PRH1: variants seen among roughly 807,000 people sequenced by gnomAD.
PRH1 encodes salivary acidic proline-rich phosphoprotein 1/2.
In PRH1, 7 loss-of-function variants were observed where a neutral mutation model predicts 7.9. That is an observed-to-expected ratio of 0.89 (90% confidence interval 0.50 to 1.67). PRH1 has a LOEUF of 1.67. Among genes scored for constraint, PRH1 ranks in the 40% most tolerant of loss-of-function variants. The pLI, the probability that PRH1 is intolerant of heterozygous loss-of-function variation, is 0.00. For missense variants in PRH1, 109 were observed against 223.6 expected (o/e 0.49, Z 3.27); for synonymous variants, 45 against 80.8 (o/e 0.56, Z 2.38).
At chr12:10,964,544 A>G in intron 2 of PRH1, 1 of 305,038 alleles carries the variant, frequency 3.3e-6, no homozygotes, top group Non-Finnish European at 6.6e-6. Flanking sequence ...AGGGTATATA[A>G]TTGCAGTAGT....
chr12:11,141,837 G>A (rs988094203), intron 1 of PRH1, among the ~76,000 whole-genome samples: 26 of 152,184 alleles, frequency 1.7e-4, no homozygotes, highest in African/African-American at 5.8e-4. Context: ...ACCCAGGCTG[G>A]AGTGCAGTGG....
intron 1 of PRH1, chr12:11,133,751 T>A (rs777514932): frequency 6.2e-7 from 1 of 1,614,088 alleles, no homozygotes; most frequent in African/African-American, 1.3e-5. Context: ...CAATTTGATC[T>A]TCCAAGTCAC....
At chr12:11,099,530 C>T (rs770080097) in intron 1 of PRH1, among the ~76,000 whole-genome samples, 14 of 152,088 alleles carry the variant, frequency 9.2e-5, no homozygotes, top group Non-Finnish European at 1.3e-4. Context: ...AACCCCATCT[C>T]TACTAAAAAT....
chr12:10,895,284 G>A (rs1316926996), intron 2 of PRH1: 1 of 152,192 alleles, frequency 6.6e-6, no homozygotes, highest in Non-Finnish European at 1.5e-5. Flanking sequence ...AGGATTAAGA[G>A]AAGAATGGAA....
intron 1 of PRH1, among the ~76,000 whole-genome samples, chr12:11,012,400 G>A (rs913066764): frequency 2.6e-5 from 4 of 152,032 alleles, no homozygotes; most frequent in African/African-American, 4.8e-5. Flanking sequence ...TGTATAAAAC[G>A]CAGATGATAA....
chr12:11,102,930 C>G (rs1046161178), intron 1 of PRH1, among the ~76,000 whole-genome samples: 1 of 152,190 alleles, frequency 6.6e-6, no homozygotes, highest in African/African-American at 2.4e-5. Context: ...AGCTAAAAGA[C>G]ACACGAAAAA....
Position 10,883,134 on chromosome 12 carries a change from C to T in PRH1, c.65-38G>A, listed in dbSNP as rs200951737. ...TACAGGATGATGGGAAAAGTTACTT[C>T]CTGAATCATTCAAGGCTCATAGTGT... On this transcript the variant is annotated intron_variant, in intron 1 of 3. Transcript: ENST00000543626. 174 of 1,602,642 alleles carry T rather than the reference C, an allele frequency of 1.1e-4. 1 individual carries two copies. The South Asian group carries it at 1.8e-3, about 17-fold the overall frequency.
intron 2 of PRH1, chr12:10,964,788 T>A: frequency 1.7e-6 from 1 of 596,672 alleles, no homozygotes; most frequent in East Asian, 4.1e-5. Flanking sequence ...AGGGACAGAG[T>A]AAAGGGTATT....
chr12:11,133,122 C>CAT, intron 1 of PRH1: 4 of 655,598 alleles, frequency 6.1e-6, no homozygotes, highest in Non-Finnish European at 8.8e-6. Flanking sequence ...GTTTTTCATA[C>CAT]ACACACACAC....
chr12:10,884,978 T>A (rs1360439825), upstream of PRH1, among the ~76,000 whole-genome samples: 4 of 152,174 alleles, frequency 2.6e-5, no homozygotes, highest in Non-Finnish European at 5.9e-5. Flanking sequence ...AAAACTGAAC[T>A]CAGAAACCAC....
chr12:10,944,970 T>C (rs115516275), intron 2 of PRH1, among the ~76,000 whole-genome samples: 3,008 of 152,274 alleles, frequency 0.02, 34 homozygotes, highest in South Asian at 0.031. Context: ...AAAGGTTTTG[T>C]TGAGGATTTT....
chr12:10,951,770 T>C (rs1053807556), intron 2 of PRH1, among the ~76,000 whole-genome samples: 1 of 152,238 alleles, frequency 6.6e-6, no homozygotes, highest in African/African-American at 2.4e-5. Context: ...TTGAAGAATA[T>C]TGACTTCTCT....
intron 2 of PRH1, among the ~76,000 whole-genome samples, chr12:10,955,021 C>T (rs777286622): frequency 1.3e-5 from 2 of 152,150 alleles, no homozygotes; most frequent in African/African-American, 4.8e-5. Context: ...CTAGACAGAA[C>T]ATCAAGGCAG....
Position 11,168,253 on chromosome 12 carries a change from AAAG to A in PRH1, n.39+3166_39+3168del, listed in dbSNP as rs1947656711. On this transcript the variant is annotated intron_variant and non_coding_transcript_variant, in intron 1 of 1. Coordinates refer to the PRH1 transcript ENST00000541175. Reference sequence around the variant, plus strand: ...GAAAGAAAGAAAGAAAGAAAGAAAGAAAGAAAGAAAGAAAGAAAGAAAGAAAGA... The same window carrying A: ...GAAAGAAAGAAAGAAAGAAAGAAAGAAAAGAAAGAAAGAAAGAAAGAAAGA... 2.4e-4 allele frequency among the ~76,000 whole-genome samples: 10 copies of A among 41,368 alleles called. 1 individual carries two copies. Among genetic ancestry groups the A allele is most frequent in the East Asian group, 2.0e-3 (5 of 2,446 alleles). The allele number at this position is 41,368 out of a possible 152,430, so 27.1% of individuals were successfully genotyped here.
chr12:11,061,413 C>A (rs777519851), intron 1 of PRH1: 3 of 1,613,954 alleles, frequency 1.9e-6, no homozygotes, highest in Admixed American at 1.7e-5. Flanking sequence ...TCACATGCCA[C>A]AAAACTGAAA....
At chr12:10,988,815 CT>C (rs1293189194) in intron 1 of PRH1, among the ~76,000 whole-genome samples, 2 of 151,196 alleles carry the variant, frequency 1.3e-5, no homozygotes, top group South Asian at 2.1e-4. Flanking sequence ...CCTTGATTTT[CT>C]TTTTTTTTGA....
rs182980404 is a variant in PRH1 at position 11,135,422 on chromosome 12, C to G, written n.40-14242G>C. 4.2e-3 allele frequency among the ~76,000 whole-genome samples: 639 copies of G among 152,270 alleles called. 6 individuals carry two copies. In the Middle Eastern group the frequency reaches 0.048, roughly 11 times the overall value. On this transcript the variant is annotated intron_variant and non_coding_transcript_variant, in intron 1 of 1. Transcript: ENST00000541175. ...AAACTAATGAAGGCAGATTGCCCCC[C>G]ACCTGATCCAGACTAAATTGGCCAA...
intron 1 of PRH1, among the ~76,000 whole-genome samples, chr12:11,033,259 C>T (rs201121534): frequency 6.6e-6 from 1 of 152,002 alleles, no homozygotes; most frequent in Non-Finnish European, 1.5e-5. Flanking sequence ...CCCAGCTACT[C>T]GGGAGGCTGA....
At chr12:11,146,900 C>T (rs1489903805) in intron 1 of PRH1, among the ~76,000 whole-genome samples, 2 of 152,112 alleles carry the variant, frequency 1.3e-5, no homozygotes, top group Non-Finnish European at 2.9e-5. Flanking sequence ...ATATATTCTG[C>T]CTTACTATTC....
Sources: allele counts gnomAD v4.1 joint callset (sites outside exome capture counted in the v4.1 genomes callset), GRCh38; gene constraint gnomAD v4.1.1; transcripts MANE v1.5; gene names NCBI Gene and HGNC (gene_info 2026-07-23, HGNC 2026-07-21).